FAR2: variants seen among roughly 807,000 people sequenced by gnomAD.
FAR2 encodes fatty acyl-CoA reductase 2, also known as epididymis secretory protein Li 81.
Under a neutral mutation model 56.0 loss-of-function variants are expected in FAR2, and 19 were observed. That is an observed-to-expected ratio of 0.34 (90% CI 0.24 to 0.50). FAR2 has a LOEUF of 0.50. Among genes scored for constraint, FAR2 ranks in the 20% least tolerant of loss-of-function variants. FAR2 has a pLI of 0.98. For missense variants in FAR2, 508 were observed against 642.2 expected, an observed-to-expected ratio of 0.79 and a Z score of 2.26; for synonymous variants, 219 against 218.8, an observed-to-expected ratio of 1.00 and a Z score of -0.01.
chr12:29,165,463 G>A (rs913264360), intron 1 of FAR2, among the ~76,000 whole-genome samples: 1 of 152,172 alleles, frequency 6.6e-6, no homozygotes. Flanking sequence ...CATTAAGCAA[G>A]CAATTAACAT....
At chr12:29,201,647 A>G (rs935027893) in intron 1 of FAR2, among the ~76,000 whole-genome samples, 10 of 152,206 alleles carry the variant, frequency 6.6e-5, no homozygotes, top group African/African-American at 2.4e-4. Flanking sequence ...GGCATTATTC[A>G]TGTTTTGAAT....
chr12:29,168,712 A>T lies in FAR2; in HGVS notation c.-39+19305A>T, dbSNP rs532902449. On this transcript the variant is annotated intron_variant, in intron 1 of 11. Transcript: ENST00000536681. Reference sequence around the variant, plus strand: ...GCTGACTTCAAGAATGAAGCCGTGGACGTTCGTGATGAGTGTCACAGCTCT... The same window carrying T: ...GCTGACTTCAAGAATGAAGCCGTGGTCGTTCGTGATGAGTGTCACAGCTCT... 8.3e-4 allele frequency among the ~76,000 whole-genome samples: 126 copies of T among 152,316 alleles called. 1 individual carries two copies. Among genetic ancestry groups the T allele is most frequent in the African/African-American group, 2.9e-3 (119 of 41,572 alleles).
intron 4 of FAR2, among the ~76,000 whole-genome samples, chr12:29,298,967 A>C (rs996188600): frequency 6.6e-6 from 1 of 152,116 alleles, no homozygotes; most frequent in Non-Finnish European, 1.5e-5. Flanking sequence ...TAATCCCAGC[A>C]CTTTGGGAGG....
intron 1 of FAR2, among the ~76,000 whole-genome samples, chr12:29,253,205 A>ATCGATATATC (rs1434872858): frequency 2.1e-5 from 3 of 142,726 alleles, no homozygotes; most frequent in Non-Finnish European, 3.1e-5. Flanking sequence ...CTATCTAGAT[A>ATCGATATATC]GGTATCTATA....
intron 1 of FAR2, among the ~76,000 whole-genome samples, chr12:29,149,830 C>A (rs1301821284): frequency 6.6e-6 from 1 of 152,174 alleles, no homozygotes; most frequent in South Asian, 2.1e-4. Flanking sequence ...CTGGAGAGAG[C>A]GCGAAAATGC....
rs973489516 is a variant in FAR2 at position 29,328,035 on chromosome 12, A to G, written c.1258-4565A>G. Reference sequence around the variant, plus strand: ...CAAAGGGCTAATATCCAGAATCTACAATGAACTCAAACAAATTTACAAGAA... The same window carrying G: ...CAAAGGGCTAATATCCAGAATCTACGATGAACTCAAACAAATTTACAAGAA... On this transcript the variant is annotated intron_variant, in intron 10 of 11. Coordinates refer to ENST00000536681, the MANE Select transcript of FAR2 (RefSeq NM_001271783.2). Among the ~76,000 whole-genome samples, 982 of 152,310 alleles carry G rather than the reference A, an allele frequency of 6.4e-3. 11 individuals are homozygous for G. Among genetic ancestry groups the G allele is most frequent in the African/African-American group, 0.022 (912 of 41,558 alleles).
At chr12:29,217,204 A>T (rs1186882879) in intron 1 of FAR2, among the ~76,000 whole-genome samples, 2 of 152,222 alleles carry the variant, frequency 1.3e-5, no homozygotes, top group Non-Finnish European at 2.9e-5. Context: ...AAATTTAGAG[A>T]AGTCCTTTCT....
intron 1 of FAR2, among the ~76,000 whole-genome samples, chr12:29,179,812 G>T (rs939715090): frequency 6.6e-6 from 1 of 151,956 alleles, no homozygotes; most frequent in African/African-American, 2.4e-5. Context: ...TACTAGTCAG[G>T]TATTATAGAA....
At chr12:29,223,396 AT>A (rs1460816609) in intron 1 of FAR2, among the ~76,000 whole-genome samples, 1 of 152,218 alleles carries the variant, frequency 6.6e-6, no homozygotes, top group Non-Finnish European at 1.5e-5. Flanking sequence ...ATACTGTGTC[AT>A]ATTCTTCATC....
At chr12:29,240,301 A>G (rs1448677714) in intron 1 of FAR2, among the ~76,000 whole-genome samples, 2 of 152,126 alleles carry the variant, frequency 1.3e-5, no homozygotes, top group African/African-American at 4.8e-5. Context: ...TTCCTGGCCA[A>G]TTTGTAGTTT....
intron 1 of FAR2, among the ~76,000 whole-genome samples, chr12:29,159,637 G>A (rs938170204): frequency 2.6e-5 from 4 of 152,124 alleles, no homozygotes; most frequent in Admixed American, 1.3e-4. Flanking sequence ...ATTCACCACC[G>A]CAAGGCTTGG....
chr12:29,174,012 C>T (rs1447830253), intron 1 of FAR2, among the ~76,000 whole-genome samples: 1 of 152,228 alleles, frequency 6.6e-6, no homozygotes, highest in East Asian at 1.9e-4. Flanking sequence ...CTGTTGGAGT[C>T]CTAAGCATTC....
chr12:29,259,144 G>T (rs1048925114), intron 1 of FAR2, among the ~76,000 whole-genome samples: 1 of 152,198 alleles, frequency 6.6e-6, no homozygotes, highest in East Asian at 1.9e-4. Flanking sequence ...TAGAAAAATG[G>T]TTCATTGACA....
chr12:29,151,904 A>G (rs1019952047), intron 1 of FAR2: 5 of 152,210 alleles, frequency 3.3e-5, no homozygotes, highest in Non-Finnish European at 4.4e-5. Context: ...GTTCTTTTCT[A>G]AAAAATATGC....
chr12:29,253,608 C>T (rs1948269687), intron 1 of FAR2, among the ~76,000 whole-genome samples: 1 of 152,042 alleles, frequency 6.6e-6, no homozygotes, highest in African/African-American at 2.4e-5. Flanking sequence ...AACTCCTGTT[C>T]TCATTGGGTT....
At chr12:29,321,694 GA>G (rs2136812327) in intron 9 of FAR2, 100 bp from the exon 10 acceptor site, 1 of 1,358,106 alleles carries the variant, frequency 7.4e-7, no homozygotes, top group South Asian at 1.5e-5. Flanking sequence ...GGTAGACAGG[GA>G]TAATTTTTGT....
intron 1 of FAR2, among the ~76,000 whole-genome samples, chr12:29,233,656 A>G (rs1399722738): frequency 6.6e-6 from 1 of 152,170 alleles, no homozygotes; most frequent in Non-Finnish European, 1.5e-5. Context: ...TTGCTAATCA[A>G]TGCTTCTAAG....
intron 3 of FAR2, among the ~76,000 whole-genome samples, chr12:29,295,297 C>T (rs1005757540): frequency 2.0e-5 from 3 of 152,184 alleles, no homozygotes; most frequent in African/African-American, 7.2e-5. Flanking sequence ...TGGTCTTGAA[C>T]TCCTGACCTC....
chr12:29,322,532 T>C (rs1253504200), intron 10 of FAR2, among the ~76,000 whole-genome samples: 1 of 152,328 alleles, frequency 6.6e-6, no homozygotes, highest in East Asian at 1.9e-4. Flanking sequence ...TTTAATTCCT[T>C]AGCACCAGCA....
Sources: allele counts gnomAD v4.1 joint callset (sites outside exome capture counted in the v4.1 genomes callset), GRCh38; gene constraint gnomAD v4.1.1; transcripts MANE v1.5; gene names NCBI Gene and HGNC (gene_info 2026-07-23, HGNC 2026-07-21).